Variants in RXFP2 observed in about 807,000 individuals in gnomAD.
The protein encoded by RXFP2 is relaxin family peptide receptor 2.
Under a neutral mutation model 88.6 loss-of-function variants are expected in RXFP2, and 68 were observed. The observed-to-expected ratio is 0.77, with a 90% CI of 0.63 to 0.94. The LOEUF is 0.94. Among genes scored for constraint, RXFP2 ranks in the 40% least tolerant of loss-of-function variants. RXFP2 has a pLI of 0.00. For missense variants in RXFP2, 791 were observed against 893.9 expected (o/e 0.88, Z 1.47); for synonymous variants, 329 against 306.8 (o/e 1.07, Z -0.76).
chr13:31,786,554 T>TAAAAAAAAAA lies in RXFP2; in HGVS notation c.1002-11_1002-2dup. On this transcript the variant is annotated splice_polypyrimidine_tract_variant and intron_variant, in intron 12 of 17. Coordinates refer to ENST00000298386, the MANE Select transcript of RXFP2 (RefSeq NM_130806.5). ...CTTCTTTTCCTCTCTCATCTAATGG[T>TAAAAAAAAAA]AAAAAAAAAAGGAACCTGTCATCCA... The TAAAAAAAAAA allele has an allele frequency of 6.7e-7, 1 of 1,496,388 alleles. No individual in the cohort carries two copies. The highest frequency in any genetic ancestry group is 1.2e-5 in the South Asian group (1 of 85,004). 92.7% of individuals were successfully genotyped at this position (1,496,388 alleles called of 1,614,324 possible).
At chr13:31,786,479 C>T in intron 12 of RXFP2, 25 bp downstream of exon 12, 1 of 1,576,526 alleles carries the variant, frequency 6.3e-7, no homozygotes, top group Non-Finnish European at 8.7e-7. Context: ...TCACCATAAT[C>T]AGATTTAAAG....
chr13:31,753,439 C>G (rs529805590), intron 1 of RXFP2, among the ~76,000 whole-genome samples: 2 of 152,056 alleles, frequency 1.3e-5, no homozygotes, highest in African/African-American at 2.4e-5. Flanking sequence ...TATGTTCGAG[C>G]CTCCTCTCAG....
At chr13:31,752,110 C>A (rs1043258067) in intron 1 of RXFP2, among the ~76,000 whole-genome samples, 15 of 152,222 alleles carry the variant, frequency 9.9e-5, no homozygotes, top group Non-Finnish European at 1.9e-4. Context: ...GGCTGACATC[C>A]ATCCCTGGTA....
intron 5 of RXFP2, among the ~76,000 whole-genome samples, chr13:31,770,117 C>T (rs1384027100): frequency 6.6e-6 from 1 of 152,206 alleles, no homozygotes; most frequent in African/African-American, 2.4e-5. Flanking sequence ...TTTGCACAGT[C>T]TTTCAAAGAA....
intron 1 of RXFP2, among the ~76,000 whole-genome samples, chr13:31,748,781 T>C (rs1593445114): frequency 6.6e-6 from 1 of 152,242 alleles, no homozygotes; most frequent in East Asian, 1.9e-4. Flanking sequence ...GGTCAGGAGA[T>C]CGAGACCTAC....
At chr13:31,766,917 T>C (rs1281677931) in intron 5 of RXFP2, among the ~76,000 whole-genome samples, 1 of 152,132 alleles carries the variant, frequency 6.6e-6, no homozygotes, top group South Asian at 2.1e-4. Flanking sequence ...TCTGTGGCAC[T>C]GGAGGGGCTA....
intron 3 of RXFP2, among the ~76,000 whole-genome samples, chr13:31,763,794 G>A (rs757312864): frequency 6.6e-6 from 1 of 152,052 alleles, no homozygotes; most frequent in Non-Finnish European, 1.5e-5. Context: ...CCAACCACAG[G>A]TTTTCAATTT....
At chr13:31,787,177 G>A (rs527500831) in intron 13 of RXFP2, among the ~76,000 whole-genome samples, 1 of 152,308 alleles carries the variant, frequency 6.6e-6, no homozygotes, top group South Asian at 2.1e-4. Context: ...TGAACTTCAT[G>A]ATTTCTTTCC....
chr13:31,748,800 C>T (rs1871536302), intron 1 of RXFP2, among the ~76,000 whole-genome samples: 1 of 152,080 alleles, frequency 6.6e-6, no homozygotes, highest in East Asian at 1.9e-4. Context: ...ACCTGGCCAA[C>T]ATGGTGAAAC....
rs913539903 is a variant in RXFP2 at position 31,775,642 on chromosome 13, C to G, written c.641+253C>G. ...GATGCCTGTAGTATACCCCTTCTCC[C>G]AAGAGTTGTGACAACTAAAAATGTT... On this transcript the variant is annotated intron_variant, in intron 7 of 17. Transcript: ENST00000298386. 4.1e-4 allele frequency among the ~76,000 whole-genome samples: 63 copies of G among 152,166 alleles called. 1 individual carries two copies. Among genetic ancestry groups the G allele is most frequent in the African/African-American group, 1.5e-3 (62 of 41,438 alleles).
At chr13:31,751,931 CT>C (rs2138392611) in intron 1 of RXFP2, among the ~76,000 whole-genome samples, 1 of 152,294 alleles carries the variant, frequency 6.6e-6, no homozygotes, top group African/African-American at 2.4e-5. Context: ...AGATTTTAAC[CT>C]AAAAGAATGC....
intron 5 of RXFP2, 142 bp from the exon 6 acceptor site, chr13:31,774,478 C>A: frequency 1.5e-6 from 1 of 680,730 alleles, no homozygotes; most frequent in South Asian, 1.5e-5. Flanking sequence ...TTCTCACTGA[C>A]AACATCTCCC....
At chr13:31,802,072 C>A (rs1373279039) in intron 17 of RXFP2, 74 bp from the exon 18 acceptor site, 2 of 1,457,732 alleles carry the variant, frequency 1.4e-6, no homozygotes, top group South Asian at 1.2e-5. Flanking sequence ...ATAGCATTGA[C>A]TGCAAAGTGT....
At chr13:31,757,233 T>A (rs1467265310) in intron 1 of RXFP2, among the ~76,000 whole-genome samples, 2 of 152,196 alleles carry the variant, frequency 1.3e-5, no homozygotes, top group African/African-American at 2.4e-5. Context: ...CCTGAATTGA[T>A]TGATAGTCTC....
chr13:31,765,183 T>C (rs1872495046), intron 4 of RXFP2, 41 bp downstream of exon 4: 2 of 1,266,492 alleles, frequency 1.6e-6, no homozygotes, highest in Non-Finnish European at 2.3e-6. Context: ...GTCCCTATAG[T>C]CACATGAAAA....
Position 31,789,191 on chromosome 13 carries a change from C to G in RXFP2, c.1143C>G (p.His381Gln). ...TTCAACCCATGAAGAATCTTTCTCA[C>G]ATGTACGTATGTATAAAAAATGGAG... ...RMFQPMKNLSHIYFKNFRYCS... is the reference protein window; with the variant it reads ...RMFQPMKNLSQIYFKNFRYCS... The change falls in exon 14 of 18, where the codon CAC (histidine) becomes CAG (glutamine). Residue 381 changes from histidine to glutamine, a missense_variant and splice_region_variant. Physicochemically the swap from His to Gln is conservative, Grantham distance 24. Coordinates refer to ENST00000298386, the MANE Select transcript of RXFP2 (RefSeq NM_130806.5). The G allele has an allele frequency of 6.3e-7, 1 of 1,586,328 alleles. No homozygotes were observed. Among genetic ancestry groups the G allele is most frequent in the Non-Finnish European group, 8.6e-7 (1 of 1,156,322 alleles).
At chr13:31,774,874 A>C (rs1453892640) in intron 6 of RXFP2, among the ~76,000 whole-genome samples, 183 bp downstream of exon 6, 2 of 152,224 alleles carry the variant, frequency 1.3e-5, no homozygotes, top group African/African-American at 2.4e-5. Flanking sequence ...ACCAGAAGAC[A>C]TACAAAGGTT....
chr13:31,756,577 T>C (rs551215567), intron 1 of RXFP2, among the ~76,000 whole-genome samples: 20 of 151,672 alleles, frequency 1.3e-4, no homozygotes, highest in African/African-American at 4.8e-4. Flanking sequence ...CTATAGACAT[T>C]CCTGTGTCTA....
intron 1 of RXFP2, among the ~76,000 whole-genome samples, chr13:31,753,158 G>C (rs1330541942): frequency 6.6e-6 from 1 of 152,142 alleles, no homozygotes; most frequent in Non-Finnish European, 1.5e-5. Flanking sequence ...GCTTTATGTA[G>C]GACTAGCATT....
Sources: gnomAD v4.1 joint callset for allele counts (sites outside exome capture counted in the v4.1 genomes callset) on GRCh38, gnomAD v4.1.1 for gene constraint, MANE v1.5 for transcripts, NCBI Gene and HGNC (gene_info 2026-07-23, HGNC 2026-07-21) for gene names.